Variants in PIEZO2 observed in about 807,000 individuals in gnomAD.
The protein encoded by PIEZO2 is piezo-type mechanosensitive ion channel component 2.
PIEZO2 carries 172 observed loss-of-function variants against 337.3 expected under a neutral mutation model. That is an observed-to-expected ratio of 0.51 (90% CI 0.45 to 0.58). The LOEUF (loss-of-function observed/expected upper bound fraction) is 0.58. PIEZO2 is among the 20% of genes least tolerant of loss of function. The pLI, the probability that PIEZO2 is intolerant of heterozygous loss-of-function variation, is 0.00. For missense variants in PIEZO2, 3,028 were observed against 3,391.3 expected, an observed-to-expected ratio of 0.89 and a Z score of 2.66; for synonymous variants, 1,251 against 1,228.5, an observed-to-expected ratio of 1.02 and a Z score of -0.38.
chr18:10,994,015 T>C (rs1428524484), intron 2 of PIEZO2, among the ~76,000 whole-genome samples: 1 of 152,172 alleles, frequency 6.6e-6, no homozygotes, highest in Non-Finnish European at 1.5e-5. Context: ...CTTCCCACAC[T>C]TTCCCCCTGC....
chr18:10,977,707 C>A (rs148881239), intron 3 of PIEZO2, among the ~76,000 whole-genome samples: 4 of 152,090 alleles, frequency 2.6e-5, no homozygotes, highest in Admixed American at 6.5e-5. Flanking sequence ...ATTAAAATCG[C>A]ATTTTAACAA....
At chr18:10,780,297 A>C (rs1208715652) in intron 18 of PIEZO2, 28 bp downstream of exon 18, 2 of 702,916 alleles carry the variant, frequency 2.8e-6, no homozygotes, top group Non-Finnish European at 5.2e-6. Context: ...TCGAACAAAA[A>C]TAAGAGAGAA....
Position 11,101,316 on chromosome 18 carries a change from C to G in PIEZO2, c.65-35094G>C, listed in dbSNP as rs2039412574. On this transcript the variant is annotated intron_variant, in intron 1 of 55. Transcript: ENST00000674853. This position sits in a 1 kb window ranked among gnomAD's most constrained non-coding sequence, Gnocchi z 4.4. ...GTCAATCCTGAGGCCTCGAGTGCTG[C>G]ACGTGGGTCCCCACGCACCACTTGC... 6.6e-6 allele frequency among the ~76,000 whole-genome samples: 1 copy of G among 152,260 alleles called. No homozygotes were observed. The highest frequency in any genetic ancestry group is 2.4e-5 in the African/African-American group (1 of 41,464).
rs1214055553 is a variant in PIEZO2, at chr18:11,116,051, T to C, written c.64+32474A>G. ...ATGTTTTAGGAGGAAACATTAGTAA[T>C]AAAAATGTATTTTCACAGTGTTTAG... On this transcript the variant is annotated intron_variant, in intron 1 of 55. Transcript: ENST00000674853. This position sits in a 1 kb window ranked among gnomAD's most constrained non-coding sequence, Gnocchi z 5.0. Among the ~76,000 whole-genome samples the C allele has an allele frequency of 1.8e-4, 28 of 152,178 alleles. No homozygotes were observed. The highest frequency in any genetic ancestry group is 1.8e-3 in the Admixed American group (28 of 15,270).
At chr18:11,106,405 T>C (rs1294977406) in intron 1 of PIEZO2, among the ~76,000 whole-genome samples, 2 of 149,356 alleles carry the variant, frequency 1.3e-5, no homozygotes, top group Non-Finnish European at 3.0e-5. Context: ...GCCCATTTTT[T>C]TCTTTCCTCT....
In PIEZO2 at chr18:11,111,872, T is replaced by C. The variant is rs984142191; in HGVS notation, c.64+36653A>G. Among the ~76,000 whole-genome samples, 4 of 152,186 alleles carry C rather than the reference T, an allele frequency of 2.6e-5. No individual in the cohort carries two copies. Among genetic ancestry groups the C allele is most frequent in the African/African-American group, 9.7e-5 (4 of 41,440 alleles). ...TTAGATGTAAACAACCATGGATAGA[T>C]TATAAAGTCAAATAACAATGTGTCT... On this transcript the variant is annotated intron_variant, in intron 1 of 55. Transcript: ENST00000674853. The surrounding 1 kb of genome is among the most constrained non-coding windows in gnomAD (Gnocchi z 6.2).
rs2038379290 is a variant in PIEZO2, at chr18:10,766,838, C to T, written c.2946+3310G>A. The stretch of plus-strand genomic sequence containing the variant: ...CAAGCTACTACACTAGCACCTAGCA[C>T]CATGTACGCATTCACTTTATTGTGA... On this transcript the variant is annotated intron_variant, in intron 21 of 55. Transcript: ENST00000674853. This position sits in a 1 kb window ranked among gnomAD's most constrained non-coding sequence, Gnocchi z 6.1. Among the ~76,000 whole-genome samples, 1 of 152,230 alleles carries T rather than the reference C, an allele frequency of 6.6e-6. No individual in the cohort carries two copies. The highest frequency in any genetic ancestry group is 1.5e-5 in the Non-Finnish European group (1 of 68,048).
At chr18:10,701,625 T>C (rs4239287) in intron 43 of PIEZO2, among the ~76,000 whole-genome samples, 35,013 of 152,164 alleles carry the variant, frequency 0.23, 4,083 homozygotes, top group South Asian at 0.28. Flanking sequence ...CTGGCTTAAA[T>C]CAGAAGCAGA....
At position 10,801,445 on chromosome 18, in the gene PIEZO2, G is replaced by A. The variant is rs370927537; in HGVS notation, c.1201-17C>T. 1.7e-4 allele frequency: 251 copies of A among 1,497,482 alleles called. No individual in the cohort carries two copies. Among genetic ancestry groups the A allele is most frequent in the African/African-American group, 4.2e-5 (3 of 72,046 alleles). 92.8% of individuals were successfully genotyped at this position (1,497,482 alleles called of 1,614,324 possible). The stretch of plus-strand genomic sequence containing the variant: ...GGATAAAAGCTGCAAAAAGCAATGC[G>A]GGAAAGCATGTTAGTAAGGAAGCTG... On this transcript the variant is annotated splice_polypyrimidine_tract_variant and intron_variant, in intron 9 of 55. Coordinates refer to ENST00000674853, the MANE Select transcript of PIEZO2 (RefSeq NM_001378183.1).
chr18:10,994,400 C>CTTTT (rs71169965), intron 2 of PIEZO2, among the ~76,000 whole-genome samples: 3 of 143,312 alleles, frequency 2.1e-5, no homozygotes, highest in Non-Finnish European at 3.1e-5. Flanking sequence ...TTTGTTCTTT[C>CTTTT]TTTTTTTTTT....
rs147306680 is a variant in PIEZO2, at chr18:10,970,408, C to T, written c.286+9127G>A. Among the ~76,000 whole-genome samples the T allele has an allele frequency of 4.7e-4, 71 of 152,334 alleles. 1 individual carries two copies. Among genetic ancestry groups the T allele is most frequent in the African/African-American group, 1.5e-3 (64 of 41,572 alleles). The stretch of plus-strand genomic sequence containing the variant: ...ATGAGCCCATTGCCCTGCATGCACA[C>T]GGGTGCCCAGGGCCCCGGCACCCTC... On this transcript the variant is annotated intron_variant, in intron 3 of 55. Coordinates refer to ENST00000674853, the MANE Select transcript of PIEZO2 (RefSeq NM_001378183.1).
chr18:11,023,527 C>G (rs952985020), intron 2 of PIEZO2, among the ~76,000 whole-genome samples: 6 of 152,192 alleles, frequency 3.9e-5, no homozygotes, highest in African/African-American at 7.2e-5. Flanking sequence ...TTTACAATCC[C>G]TTAGCTAGAC....
rs988238679 is a variant in PIEZO2, at chr18:10,707,166, C to T, written c.5588+1109G>A. Among the ~76,000 whole-genome samples, 14 of 151,890 alleles carry T rather than the reference C, an allele frequency of 9.2e-5. No homozygotes were observed. Among genetic ancestry groups the T allele is most frequent in the African/African-American group, 2.7e-4 (11 of 41,362 alleles). ...GACTTACCTCAATTAGATATACTTC[C>T]TAGGAGGGCCATGCCATTGACCCAT... On this transcript the variant is annotated intron_variant, in intron 40 of 55. Transcript: ENST00000674853. The surrounding 1 kb of genome is among the most constrained non-coding windows in gnomAD (Gnocchi z 4.2).
intron 2 of PIEZO2, among the ~76,000 whole-genome samples, chr18:11,065,761 A>G (rs2038126022): frequency 1.3e-5 from 2 of 151,632 alleles, no homozygotes; most frequent in Non-Finnish European, 2.9e-5. Context: ...TTGCCACCAC[A>G]CTCTCCCCAC....
chr18:10,961,214 C>T (rs1174244946), intron 3 of PIEZO2, among the ~76,000 whole-genome samples: 3 of 151,220 alleles, frequency 2.0e-5, no homozygotes, highest in African/African-American at 7.3e-5. Context: ...TATATACATA[C>T]AATGGAATAC....
intron 2 of PIEZO2, among the ~76,000 whole-genome samples, chr18:11,041,556 G>A (rs1208094899): frequency 6.6e-6 from 1 of 152,192 alleles, no homozygotes; most frequent in African/African-American, 2.4e-5. Flanking sequence ...AGCTGGAACT[G>A]AAGGACATCA....
chr18:10,871,433 G>C lies in PIEZO2; in HGVS notation c.330-18C>G, dbSNP rs1214124600. 6.6e-7 allele frequency: 1 copy of C among 1,519,672 alleles called. No individual in the cohort carries two copies. 94.1% of individuals were successfully genotyped at this position (1,519,672 alleles called of 1,614,324 possible). On this transcript the variant is annotated intron_variant, in intron 4 of 55. Coordinates refer to ENST00000674853, the MANE Select transcript of PIEZO2 (RefSeq NM_001378183.1). ...CCTTTAAGCTATAAAGGAAAAACAAGGGGAGGGGAAAAAAATTTAGTTCTT... is the reference window on the plus strand; with the variant it reads ...CCTTTAAGCTATAAAGGAAAAACAACGGGAGGGGAAAAAAATTTAGTTCTT...
Position 10,800,413 on chromosome 18 carries a change from G to C in PIEZO2, c.1302C>G (p.Pro434=). The C allele has an allele frequency of 1.3e-6, 2 of 1,536,368 alleles. No homozygotes were observed. Among genetic ancestry groups the C allele is most frequent in the Non-Finnish European group, 1.7e-6 (2 of 1,146,512 alleles). ...VDYHTIHPSL[P]MENGPGKADL... ...CGGCTTTGCCAGGGCCGTTCTCCAT[G>C]GGCAGGCTTGGGTGGATGGTGTGGT... The change falls in exon 11 of 56, where the codon CCC becomes CCG. Residue 434 remains proline (P), a synonymous_variant. Transcript: ENST00000674853.
chr18:10,753,971 G>T (rs1430411855), intron 27 of PIEZO2, among the ~76,000 whole-genome samples: 2 of 152,158 alleles, frequency 1.3e-5, no homozygotes, highest in Non-Finnish European at 2.9e-5. Context: ...TGATTTGCAT[G>T]AGCCTAGGGG....
Sources: allele counts gnomAD v4.1 joint callset (sites outside exome capture counted in the v4.1 genomes callset), GRCh38; gene constraint gnomAD v4.1.1; non-coding constraint Gnocchi (gnomAD v3.1); transcripts MANE v1.5; gene names NCBI Gene and HGNC (gene_info 2026-07-23, HGNC 2026-07-21).